The following ERAL1 variants were observed in gnomAD, a reference collection of about 807,000 sequenced individuals.
ERAL1 encodes the protein Era like 12S mitochondrial rRNA chaperone 1.
A neutral mutation model predicts 53.6 loss-of-function variants in ERAL1; 36 were observed. The observed-to-expected ratio is 0.67, with a 90% CI of 0.51 to 0.89. ERAL1 has a LOEUF of 0.89. Among genes scored for constraint, ERAL1 ranks in the 40% least tolerant of loss-of-function variants. The probability of loss-of-function intolerance (pLI) is 0.00; values close to 1 mark genes in which losing one functional copy is unlikely to be tolerated. For missense variants in ERAL1, 512 were observed against 537.5 expected (o/e 0.95, Z 0.47); for synonymous variants, 215 against 211.8 (o/e 1.02, Z -0.13).
Position 28,860,823 on chromosome 17 carries a change from T to A in ERAL1, c.*270T>A, listed in dbSNP as rs1408509142. The A allele has an allele frequency of 3.9e-6, 1 of 257,334 alleles. No individual in the cohort carries two copies. Among genetic ancestry groups the A allele is most frequent in the Non-Finnish European group, 7.3e-6 (1 of 137,256 alleles). The allele number at this position is 257,334 out of a possible 1,614,324, so 15.9% of individuals were successfully genotyped here. A position where few individuals can be genotyped will look rare whatever the true frequency, so the allele number is the denominator to read the frequency against. On this transcript the variant is annotated 3_prime_UTR_variant, in exon 10 of 10. Transcript: ENST00000254928. ...TGTAGCTAAGAAGATGGCCCATTGG[T>A]GGGAGCAATGTCACCCTGCCTCCAG...
chr17:28,860,124 C>T (rs765643503), intron 9 of ERAL1, among the ~76,000 whole-genome samples: 16 of 151,916 alleles, frequency 1.1e-4, no homozygotes, highest in Non-Finnish European at 1.9e-4. Flanking sequence ...TACAGGTGCC[C>T]GCCACCATGT....
chr17:28,860,199 A>G (rs536243722), intron 9 of ERAL1, among the ~76,000 whole-genome samples: 2 of 151,110 alleles, frequency 1.3e-5, no homozygotes, highest in African/African-American at 4.9e-5. Context: ...CTGGTCTCGA[A>G]CTCCTGACCT....
rs34299509 is a variant in ERAL1 at position 28,855,794 on chromosome 17, GA to G, written c.284-455del. Among the ~76,000 whole-genome samples, 594 of 141,020 alleles carry G rather than the reference GA, an allele frequency of 4.2e-3. 6 individuals are homozygous for G. Among genetic ancestry groups the G allele is most frequent in the African/African-American group, 0.012 (469 of 37,990 alleles). 92.5% of individuals were successfully genotyped at this position (141,020 alleles called of 152,430 possible). ...GCCCTTCCTCCCGTCCCTCCTTCAGGAAAAAAAAAAAAAAAGACTGGGAAAG... is the reference window on the plus strand; with the variant it reads ...GCCCTTCCTCCCGTCCCTCCTTCAGGAAAAAAAAAAAAAAGACTGGGAAAG... On this transcript the variant is annotated intron_variant, in intron 1 of 9. Coordinates refer to ENST00000254928, the MANE Select transcript of ERAL1 (RefSeq NM_005702.4).
chr17:28,856,343 C>T lies in ERAL1; in HGVS notation c.363C>T (p.Ala121=). ...SRVLRVVLLG[A]PNAGKSTLSN... ...TCCTACGAGTGGTCCTCCTGGGAGC[C>T]CCGAATGCAGGGAAGTCAACACTCT... Residue 121 remains alanine, a synonymous_variant, in exon 2 of 10, where the codon GCC becomes GCT. Coordinates refer to ENST00000254928, the MANE Select transcript of ERAL1 (RefSeq NM_005702.4). 1.2e-6 allele frequency: 2 copies of T among 1,614,118 alleles called. No homozygotes were observed. The highest frequency in any genetic ancestry group is 1.7e-6 in the Non-Finnish European group (2 of 1,180,010).
At chr17:28,860,346 A>C (rs1252228509) in intron 9 of ERAL1, 85 bp from the exon 10 acceptor site, 4 of 1,517,444 alleles carry the variant, frequency 2.6e-6, no homozygotes, top group African/African-American at 1.4e-5. Flanking sequence ...TGCTCAAAGG[A>C]TCTTCTCACC....
intron 1 of ERAL1, among the ~76,000 whole-genome samples, chr17:28,855,898 C>G (rs1437803611): frequency 6.6e-6 from 1 of 151,972 alleles, no homozygotes; most frequent in African/African-American, 2.4e-5. Context: ...TGTAATCCAG[C>G]TTGCTTTCAT....
At position 28,860,788 on chromosome 17, in the gene ERAL1, G is replaced by A; in HGVS notation, c.*235G>A. 2.8e-6 allele frequency: 1 copy of A among 356,622 alleles called. No individual in the cohort carries two copies. The highest frequency in any genetic ancestry group is 5.0e-6 in the Non-Finnish European group (1 of 200,650). 22.1% of individuals were successfully genotyped at this position (356,622 alleles called of 1,614,324 possible). A position where few individuals can be genotyped will look rare whatever the true frequency, so the allele number is the denominator to read the frequency against. On this transcript the variant is annotated 3_prime_UTR_variant, in exon 10 of 10. Transcript: ENST00000254928. ...GGTGGTTCCTCTGCCTGGCACCACA[G>A]CTACAAAGGTGTAGCTAAGAAGATG... is the stretch of plus-strand genomic sequence containing the variant.
Position 28,860,489 on chromosome 17 carries a change from A to G in ERAL1, c.1250A>G (p.His417Arg), listed in dbSNP as rs202141861. The change falls in exon 10 of 10, where the codon CAT becomes CGT. Residue 417 changes from histidine to arginine, a missense_variant. Coordinates refer to ENST00000254928, the MANE Select transcript of ERAL1 (RefSeq NM_005702.4). Reference protein sequence around the residue: ...VISQIAQEAGHDLMDIFLCDV... With the variant: ...VISQIAQEAGRDLMDIFLCDV... ...TCCCAGATAGCACAGGAGGCAGGCCATGACCTCATGGACATCTTCCTCTGC... is the reference window on the plus strand; with the variant it reads ...TCCCAGATAGCACAGGAGGCAGGCCGTGACCTCATGGACATCTTCCTCTGC... The G allele has an allele frequency of 3.0e-5, 49 of 1,609,458 alleles. No individual in the cohort carries two copies. The highest frequency in any genetic ancestry group is 1.7e-5 in the Admixed American group (1 of 59,108).
rs146496298 is a variant in ERAL1 at position 28,856,305 on chromosome 17, G to C, written c.325G>C (p.Glu109Gln). 1 of 1,614,172 alleles carries C rather than the reference G, an allele frequency of 6.2e-7. No homozygotes were observed. The highest frequency in any genetic ancestry group is 2.2e-5 in the East Asian group (1 of 44,884). The change falls in exon 2 of 10, where the codon GAG becomes CAG. Residue 109 changes from glutamate (E) to glutamine (Q), a missense_variant. Coordinates refer to ENST00000254928, the MANE Select transcript of ERAL1 (RefSeq NM_005702.4). Reference sequence around the variant, plus strand: ...CTTGGTCCATCACCCTGATATGCCTGAGAATTCCCGGGTCCTACGAGTGGT... The same window carrying C: ...CTTGGTCCATCACCCTGATATGCCTCAGAATTCCCGGGTCCTACGAGTGGT... ...VLLVHHPDMP[E>Q]NSRVLRVVLL...
intron 3 of ERAL1, chr17:28,856,826 C>T (rs917242071): frequency 2.5e-5 from 11 of 437,622 alleles, no homozygotes; most frequent in African/African-American, 2.2e-4. Flanking sequence ...ATTCTCCTGC[C>T]TCAGCCTCCT....
chr17:28,855,223 T>C lies in ERAL1; in HGVS notation c.189T>C (p.Ser63=). 6.2e-7 allele frequency: 1 copy of C among 1,614,240 alleles called. No homozygotes were observed. Among genetic ancestry groups the C allele is most frequent in the Non-Finnish European group, 8.5e-7 (1 of 1,180,036 alleles). ...CCCGCTTGGCCTCGGCTTCTCGCAGTAATGGCCAGGGCTCTGCCCTGGACC... is the reference window on the plus strand; with the variant it reads ...CCCGCTTGGCCTCGGCTTCTCGCAGCAATGGCCAGGGCTCTGCCCTGGACC... The part of the protein sequence containing the change: ...SGPRLASASR[S]NGQGSALDHF... Residue 63 remains serine, a synonymous_variant, in exon 1 of 10, where the codon AGT becomes AGC. Transcript: ENST00000254928.
chr17:28,855,742 C>T (rs1303872522), intron 1 of ERAL1, among the ~76,000 whole-genome samples: 1 of 151,036 alleles, frequency 6.6e-6, no homozygotes, highest in Non-Finnish European at 1.5e-5. Flanking sequence ...TATAAAAAGA[C>T]TGGGCCCTCT....
At chr17:28,858,910 G>A in intron 7 of ERAL1, 54 bp from the exon 8 acceptor site, 1 of 1,611,980 alleles carries the variant, frequency 6.2e-7, no homozygotes, top group Non-Finnish European at 8.5e-7. Flanking sequence ...CAAAAGTGAG[G>A]AGAAAAGTCC....
Position 28,860,712 on chromosome 17 carries a change from C to T in ERAL1, c.*159C>T. 2 of 829,884 alleles carry T rather than the reference C, an allele frequency of 2.4e-6. No homozygotes were observed. The highest frequency in any genetic ancestry group is 1.7e-6 in the Non-Finnish European group (1 of 578,686). The allele number at this position is 829,884 out of a possible 1,614,324, so 51.4% of individuals were successfully genotyped here. ...CCCTGTTGAGTCTGCACAGTCCCTG[C>T]CCAGCTGTGTCTTCTGTTGGAAGAA... On this transcript the variant is annotated 3_prime_UTR_variant, in exon 10 of 10. Coordinates refer to ENST00000254928, the MANE Select transcript of ERAL1 (RefSeq NM_005702.4).
chr17:28,855,076 G>A lies in ERAL1; in HGVS notation c.42G>A (p.Ser14=). ...GGCGCGGGGCTAGGCTTGTTCAATC[G>A]GTGTTAAGAGTCTGGCAGGTGGGCC... ...PSWRGARLVQ[S]VLRVWQVGPH... Residue 14 remains serine, a synonymous_variant, in exon 1 of 10, where the codon TCG becomes TCA. Coordinates refer to ENST00000254928, the MANE Select transcript of ERAL1 (RefSeq NM_005702.4). 1 of 1,612,418 alleles carries A rather than the reference G, an allele frequency of 6.2e-7. No individual in the cohort carries two copies. The highest frequency in any genetic ancestry group is 8.5e-7 in the Non-Finnish European group (1 of 1,178,790).
rs768566596 is a variant in ERAL1, at chr17:28,858,241, T to A, written c.598+34T>A. 3 of 1,612,994 alleles carry A rather than the reference T, an allele frequency of 1.9e-6. No individual in the cohort carries two copies. In the South Asian group the frequency reaches 3.3e-5, roughly 18 times the overall value. ...CAGGATGGGAACCTTAAGCCCAGTT[T>A]ACAGGGGTCATGGCCTTTCATTCCT... On this transcript the variant is annotated intron_variant, in intron 5 of 9. Coordinates refer to ENST00000254928, the MANE Select transcript of ERAL1 (RefSeq NM_005702.4).
rs1452673215 is a variant in ERAL1, at chr17:28,860,593, C to G, written c.*40C>G. The G allele has an allele frequency of 1.3e-6, 2 of 1,556,958 alleles. No individual in the cohort carries two copies. The highest frequency in any genetic ancestry group is 2.1e-5 in the Admixed American group (1 of 47,854). On this transcript the variant is annotated 3_prime_UTR_variant, in exon 10 of 10. Coordinates refer to ENST00000254928, the MANE Select transcript of ERAL1 (RefSeq NM_005702.4). ...CCCTCCCAGGGCATTCCAGCTCAAG[C>G]TGCTGGCAGGAACTGACCAGTTCTG...
chr17:28,858,428 A>T lies in ERAL1; in HGVS notation c.653A>T (p.Gln218Leu). The T allele has an allele frequency of 6.2e-7, 1 of 1,614,088 alleles. No individual in the cohort carries two copies. The highest frequency in any genetic ancestry group is 8.5e-7 in the Non-Finnish European group (1 of 1,180,018). Residue 218 changes from glutamine (Q) to leucine (L), a missense_variant, in exon 6 of 10, where the codon CAG (glutamine) becomes CTG (leucine). Transcript: ENST00000254928. Reference sequence around the variant, plus strand: ...TGGACACGGAACCAGCTCAGCCCCCAGTTGCTCAGGTGCTTGACCAAGTAC... The same window carrying T: ...TGGACACGGAACCAGCTCAGCCCCCTGTTGCTCAGGTGCTTGACCAAGTAC... ...DKWTRNQLSP[Q>L]LLRCLTKYSQ... is the part of the protein sequence containing the mutation.
At position 28,858,467 on chromosome 17, in the gene ERAL1, G is replaced by A; in HGVS notation, c.692G>A (p.Ser231Asn). ...RCLTKYSQIPSVLVMNKVDCL... is the reference protein window; with the variant it reads ...RCLTKYSQIPNVLVMNKVDCL... ...TTGACCAAGTACTCCCAGATCCCTAGTGTCCTGGTCATGAACAAGGTGAGC... is the reference window on the plus strand; with the variant it reads ...TTGACCAAGTACTCCCAGATCCCTAATGTCCTGGTCATGAACAAGGTGAGC... The change falls in exon 6 of 10, where the codon AGT (serine) becomes AAT (asparagine). Residue 231 changes from serine to asparagine, a missense_variant. By Grantham distance (46) the Ser-to-Asn change is conservative. Coordinates refer to ENST00000254928, the MANE Select transcript of ERAL1 (RefSeq NM_005702.4). The A allele has an allele frequency of 6.2e-7, 1 of 1,614,120 alleles. No homozygotes were observed. The highest frequency in any genetic ancestry group is 8.5e-7 in the Non-Finnish European group (1 of 1,180,018).
Sources: allele counts gnomAD v4.1 joint callset (sites outside exome capture counted in the v4.1 genomes callset), GRCh38; gene constraint gnomAD v4.1.1; transcripts MANE v1.5; gene names NCBI Gene and HGNC (gene_info 2026-07-23, HGNC 2026-07-21).